PARD3: variants seen among roughly 807,000 people sequenced by gnomAD.
PARD3 encodes the protein partitioning defective 3 homolog.
Under a neutral mutation model 155.4 loss-of-function variants are expected in PARD3, and 75 were observed. The ratio of observed to expected loss-of-function variants is 0.48; its 90% CI spans 0.40 to 0.58. The LOEUF (loss-of-function observed/expected upper bound fraction) is 0.58, where lower values mean the gene tolerates loss of function less well. Ranked by LOEUF, PARD3 falls within the 20% of genes least tolerant of loss-of-function variation. The pLI is 0.00. For synonymous variants in PARD3, 576 were observed against 610.5 expected (o/e 0.94, Z 0.83); for missense variants, 1,642 against 1,721.7 (o/e 0.95, Z 0.82).
At chr10:34,461,274 T>C (rs1490042218) in intron 4 of PARD3, among the ~76,000 whole-genome samples, 2 of 152,212 alleles carry the variant, frequency 1.3e-5, no homozygotes, top group Non-Finnish European at 2.9e-5. Context: ...GGTAGGCTTA[T>C]AAGCTGAATT....
chr10:34,593,065 G>A (rs1435374146), intron 2 of PARD3, among the ~76,000 whole-genome samples: 3 of 152,180 alleles, frequency 2.0e-5, no homozygotes, highest in Non-Finnish European at 1.5e-5. Context: ...AAAGGAAGAG[G>A]GTAGTGAGAA....
At chr10:34,199,875 G>A (rs976227809) in intron 22 of PARD3, among the ~76,000 whole-genome samples, 2 of 152,040 alleles carry the variant, frequency 1.3e-5, no homozygotes, top group Non-Finnish European at 2.9e-5. Flanking sequence ...CTATTCGAAT[G>A]TGTTACAACT....
At chr10:34,494,066 C>T (rs2080107117) in intron 3 of PARD3, among the ~76,000 whole-genome samples, 1 of 152,156 alleles carries the variant, frequency 6.6e-6, no homozygotes, top group South Asian at 2.1e-4. Flanking sequence ...TAAACATTTC[C>T]CAACACAGCA....
At chr10:34,253,528 G>A (rs1954453616) in intron 22 of PARD3, among the ~76,000 whole-genome samples, 1 of 152,204 alleles carries the variant, frequency 6.6e-6, no homozygotes, top group African/African-American at 2.4e-5. Context: ...CCATCTGGTT[G>A]CTACCTTGGA....
At chr10:34,625,952 T>C (rs1342135024) in intron 2 of PARD3, among the ~76,000 whole-genome samples, 1 of 152,170 alleles carries the variant, frequency 6.6e-6, no homozygotes, top group Non-Finnish European at 1.5e-5. Context: ...CAGAGCCCCA[T>C]CTTAATGTGG....
intron 2 of PARD3, among the ~76,000 whole-genome samples, chr10:34,627,056 A>G (rs1198197240): frequency 2.0e-5 from 3 of 148,774 alleles, no homozygotes; most frequent in African/African-American, 5.0e-5. Context: ...GTCTTATTCT[A>G]TCACTGAGGT....
chr10:34,554,973 T>G (rs2084872105), intron 2 of PARD3, among the ~76,000 whole-genome samples: 1 of 152,114 alleles, frequency 6.6e-6, no homozygotes, highest in African/African-American at 2.4e-5. Flanking sequence ...TTCAAGGGGA[T>G]GGAGGGATGA....
intron 5 of PARD3, among the ~76,000 whole-genome samples, chr10:34,429,865 G>C (rs549369127): frequency 6.6e-6 from 1 of 152,234 alleles, no homozygotes; most frequent in Admixed American, 6.5e-5. Flanking sequence ...GATTACAGGC[G>C]TGAGCCACTG....
intron 3 of PARD3, among the ~76,000 whole-genome samples, chr10:34,505,068 G>A (rs1364787789): frequency 2.0e-5 from 3 of 152,124 alleles, no homozygotes; most frequent in African/African-American, 7.2e-5. Flanking sequence ...ATTGACCAGT[G>A]TACAATCTAA....
chr10:34,752,029 T>C (rs1453180294), intron 1 of PARD3, among the ~76,000 whole-genome samples: 1 of 152,148 alleles, frequency 6.6e-6, no homozygotes, highest in Non-Finnish European at 1.5e-5. Context: ...GTAAAGTTGG[T>C]TGTACATCTA....
chr10:34,452,796 A>G (rs1365484956), intron 4 of PARD3, among the ~76,000 whole-genome samples: 1 of 152,214 alleles, frequency 6.6e-6, no homozygotes. Context: ...GGTCCCAAAG[A>G]TACCTCGAAA....
At chr10:34,813,641 T>C (rs983994902) in intron 1 of PARD3, among the ~76,000 whole-genome samples, 1 of 152,234 alleles carries the variant, frequency 6.6e-6, no homozygotes. Flanking sequence ...TTTTCCAATA[T>C]ATACTAAAAG....
intron 1 of PARD3, 121 bp downstream of exon 1, chr10:34,814,755 G>GACC: frequency 1.1e-6 from 1 of 873,296 alleles, no homozygotes; most frequent in Non-Finnish European, 1.6e-6. Flanking sequence ...AGGCCCGACC[G>GACC]GCCGCACTTT....
At chr10:34,578,755 A>G (rs1398086571) in intron 2 of PARD3, among the ~76,000 whole-genome samples, 3 of 152,276 alleles carry the variant, frequency 2.0e-5, no homozygotes, top group Admixed American at 1.3e-4. Flanking sequence ...AATACACTCA[A>G]TCGCTGAGGG....
chr10:34,760,750 T>A (rs1049709360), intron 1 of PARD3, among the ~76,000 whole-genome samples: 3 of 152,200 alleles, frequency 2.0e-5, no homozygotes, highest in African/African-American at 7.2e-5. Context: ...AGGAGCTGCA[T>A]GTGGTGAGGA....
intron 20 of PARD3, among the ~76,000 whole-genome samples, chr10:34,306,111 T>C (rs753030455): frequency 1.1e-4 from 17 of 151,342 alleles, no homozygotes; most frequent in East Asian, 2.0e-4. Context: ...ATGGCATACA[T>C]AGTGAAACCC....
intron 15 of PARD3, chr10:34,343,692 C>T (rs1295090745): frequency 1.0e-6 from 1 of 984,180 alleles, no homozygotes; most frequent in Non-Finnish European, 1.2e-6. Flanking sequence ...TACAATGATC[C>T]CTTAATTATG....
chr10:34,807,546 A>C (rs555840070), intron 1 of PARD3, among the ~76,000 whole-genome samples: 1 of 152,150 alleles, frequency 6.6e-6, no homozygotes, highest in Non-Finnish European at 1.5e-5. Context: ...CTAGCGGAAC[A>C]CCACTCTACT....
At chr10:34,732,365 C>A (rs548779284) in intron 1 of PARD3, among the ~76,000 whole-genome samples, 1 of 152,194 alleles carries the variant, frequency 6.6e-6, no homozygotes, top group South Asian at 2.1e-4. Context: ...TACAAATTGT[C>A]TTTGAAGTAT....
Sources: allele counts gnomAD v4.1 joint callset (sites outside exome capture counted in the v4.1 genomes callset), GRCh38; gene constraint gnomAD v4.1.1; transcripts MANE v1.5; gene names NCBI Gene and HGNC (gene_info 2026-07-23, HGNC 2026-07-21).